STAU2: variants seen among roughly 807,000 people sequenced by gnomAD.
STAU2 encodes double-stranded RNA-binding protein Staufen homolog 2.
STAU2 carries 20 observed loss-of-function variants against 65.9 expected under a neutral mutation model. That is an observed-to-expected ratio of 0.30 (90% CI 0.21 to 0.44). The LOEUF is 0.44. Among genes scored for constraint, STAU2 ranks in the 20% least tolerant of loss-of-function variants. STAU2 has a pLI of 1.00. For missense variants in STAU2, 558 were observed against 683.9 expected, an observed-to-expected ratio of 0.82 and a Z score of 2.05; for synonymous variants, 232 against 233.9, an observed-to-expected ratio of 0.99 and a Z score of 0.07.
At chr8:73,710,711 CT>C (rs903890598) in intron 3 of STAU2, among the ~76,000 whole-genome samples, 38 of 151,938 alleles carry the variant, frequency 2.5e-4, no homozygotes, top group African/African-American at 7.5e-4. Flanking sequence ...CATTTAATTA[CT>C]TTTTTCTTTC....
At chr8:73,515,546 A>C (rs1427236817) in intron 13 of STAU2, among the ~76,000 whole-genome samples, 1 of 152,152 alleles carries the variant, frequency 6.6e-6, no homozygotes, top group African/African-American at 2.4e-5. Context: ...TAAACAGCAA[A>C]AGATCATAGA....
At chr8:73,659,083 T>C (rs924380100) in intron 6 of STAU2, among the ~76,000 whole-genome samples, 9 of 152,214 alleles carry the variant, frequency 5.9e-5, no homozygotes, top group African/African-American at 2.2e-4. Context: ...AGCTGGTGGA[T>C]AACGTTTTTT....
At chr8:73,573,168 T>C (rs1367735319) in intron 12 of STAU2, among the ~76,000 whole-genome samples, 1 of 152,124 alleles carries the variant, frequency 6.6e-6, no homozygotes, top group African/African-American at 2.4e-5. Flanking sequence ...TCAAAGAGAA[T>C]ACAATACCTA....
chr8:73,743,861 T>C (rs1807075925), intron 1 of STAU2, among the ~76,000 whole-genome samples: 1 of 149,478 alleles, frequency 6.7e-6, no homozygotes, highest in Non-Finnish European at 1.5e-5. Context: ...AACCTCTGCC[T>C]CCCGGGTTCA....
chr8:73,459,749 G>A (rs568766435), intron 13 of STAU2, among the ~76,000 whole-genome samples: 6 of 152,292 alleles, frequency 3.9e-5, no homozygotes, highest in Non-Finnish European at 8.8e-5. Flanking sequence ...AACACCCAAC[G>A]GGCTGTTACT....
chr8:73,675,799 G>A (rs542949312), intron 5 of STAU2, among the ~76,000 whole-genome samples: 1 of 152,330 alleles, frequency 6.6e-6, no homozygotes, highest in Admixed American at 6.5e-5. Flanking sequence ...TTAGCTCCTG[G>A]AGCTGTAAAG....
chr8:73,747,245 C>A (rs1453331573), upstream of STAU2: 7 of 970,608 alleles, frequency 7.2e-6, no homozygotes, highest in South Asian at 5.0e-5. Context: ...TCGTCCCCGG[C>A]GCGACTCCCC....
At chr8:73,434,421 G>A (rs1341855228) in intron 13 of STAU2, among the ~76,000 whole-genome samples, 2 of 151,938 alleles carry the variant, frequency 1.3e-5, no homozygotes, top group South Asian at 2.1e-4. Flanking sequence ...TAGGTCTGTG[G>A]CAATTCGTTA....
intron 6 of STAU2, among the ~76,000 whole-genome samples, chr8:73,633,411 C>G (rs73330875): frequency 0.034 from 5,139 of 152,168 alleles, 261 homozygotes; most frequent in African/African-American, 0.11. Flanking sequence ...ACAGGACCAG[C>G]AAGGGCCAGG....
chr8:73,490,256 G>A (rs1422663208), intron 13 of STAU2, among the ~76,000 whole-genome samples: 1 of 151,966 alleles, frequency 6.6e-6, no homozygotes, highest in Non-Finnish European at 1.5e-5. Flanking sequence ...TCACTGCGGT[G>A]CCATCAACTT....
chr8:73,484,981 C>G (rs567353044), intron 13 of STAU2, among the ~76,000 whole-genome samples: 1 of 152,076 alleles, frequency 6.6e-6, no homozygotes, highest in East Asian at 1.9e-4. Context: ...ATCCTTCTTC[C>G]AAGACCAAAT....
rs1045678283 is a variant in STAU2 at position 73,744,935 on chromosome 8, C to T, written c.-197+1848G>A. Among the ~76,000 whole-genome samples, 3 of 152,180 alleles carry T rather than the reference C, an allele frequency of 2.0e-5. No individual in the cohort carries two copies. The South Asian group carries it at 6.2e-4, about 32-fold the overall frequency. On this transcript the variant is annotated intron_variant, in intron 1 of 14. Transcript: ENST00000524300. ...AAGTTAAAATTTAAAAATTACACAGCATTTTATTTGAAATTAACAATACAT... is the reference window on the plus strand; with the variant it reads ...AAGTTAAAATTTAAAAATTACACAGTATTTTATTTGAAATTAACAATACAT...
At chr8:73,645,057 G>A (rs1464227388) in intron 6 of STAU2, among the ~76,000 whole-genome samples, 1 of 152,132 alleles carries the variant, frequency 6.6e-6, no homozygotes, top group African/African-American at 2.4e-5. Context: ...AACAGAAGAG[G>A]AGAGAATGTC....
At chr8:73,537,079 C>T (rs1246784155) in intron 13 of STAU2, among the ~76,000 whole-genome samples, 3 of 151,700 alleles carry the variant, frequency 2.0e-5, no homozygotes, top group Non-Finnish European at 4.4e-5. Flanking sequence ...AATAGTCTCA[C>T]GAAAGAAATA....
chr8:73,707,069 G>C (rs1820556398), intron 4 of STAU2, among the ~76,000 whole-genome samples: 1 of 152,182 alleles, frequency 6.6e-6, no homozygotes, highest in Non-Finnish European at 1.5e-5. Context: ...GGGAGAAGAA[G>C]GCAGAAGAAG....
intron 6 of STAU2, among the ~76,000 whole-genome samples, chr8:73,650,513 T>C (rs1815780193): frequency 6.6e-6 from 1 of 152,168 alleles, no homozygotes; most frequent in African/African-American, 2.4e-5. Flanking sequence ...AAAAATGTTT[T>C]AAAAGTCACT....
At chr8:73,628,783 T>C (rs1463229275) in intron 6 of STAU2, among the ~76,000 whole-genome samples, 1 of 152,258 alleles carries the variant, frequency 6.6e-6, no homozygotes, top group East Asian at 1.9e-4. Context: ...ATTAATTTTA[T>C]AATGTCTATA....
chr8:73,601,485 T>C (rs551618248), intron 10 of STAU2, among the ~76,000 whole-genome samples: 53 of 152,328 alleles, frequency 3.5e-4, no homozygotes, highest in African/African-American at 1.2e-3. Flanking sequence ...TTTTAATATA[T>C]AGACTTTTTC....
At chr8:73,522,145 T>C (rs1011213923) in intron 13 of STAU2, among the ~76,000 whole-genome samples, 3 of 152,102 alleles carry the variant, frequency 2.0e-5, no homozygotes, top group Non-Finnish European at 2.9e-5. Flanking sequence ...ATATTGACAA[T>C]GCAATCAGAA....
Sources: gnomAD v4.1 joint callset for allele counts (sites outside exome capture counted in the v4.1 genomes callset) on GRCh38, gnomAD v4.1.1 for gene constraint, MANE v1.5 for transcripts, NCBI Gene and HGNC (gene_info 2026-07-23, HGNC 2026-07-21) for gene names.